The following SPATA13 variants were observed in gnomAD, a reference collection of about 807,000 sequenced individuals.
SPATA13 encodes spermatogenesis associated 13.
In SPATA13, 50 loss-of-function variants were observed where a neutral mutation model predicts 104.0. That is an observed-to-expected ratio of 0.48 (90% CI 0.38 to 0.61). SPATA13 has a LOEUF of 0.61. Ranked by LOEUF, SPATA13 falls within the 20% of genes least tolerant of loss-of-function variation. The probability of loss-of-function intolerance (pLI) is 0.00; values close to 1 mark genes in which losing one functional copy is unlikely to be tolerated. For missense variants in SPATA13, 1,524 were observed against 1,690.6 expected (o/e 0.90, Z 1.73); for synonymous variants, 606 against 667.5 (o/e 0.91, Z 1.42).
chr13:24,003,405 T>A (rs1176757058), intron 2 of SPATA13, among the ~76,000 whole-genome samples: 1 of 152,180 alleles, frequency 6.6e-6, no homozygotes, highest in Non-Finnish European at 1.5e-5. Flanking sequence ...AAATAATGAA[T>A]GGAGTGCACA....
At position 24,249,605 on chromosome 13, in the gene SPATA13, C is replaced by G; in HGVS notation, c.1782C>G (p.Gly594=). The G allele has an allele frequency of 1.2e-6, 2 of 1,613,960 alleles. No homozygotes were observed. The highest frequency in any genetic ancestry group is 1.7e-6 in the Non-Finnish European group (2 of 1,179,898). Residue 594 remains glycine (G), a synonymous_variant, in exon 3 of 13, where the codon GGC becomes GGG. Coordinates refer to ENST00000382108, the MANE Select transcript of SPATA13 (RefSeq NM_001166271.3). ...RPRPRPFSDY[G]QLASRSLSIP... ...GGCCTCGGCCATTCTCTGACTACGGCCAGCTGGCCAGCCGCAGTTTGTCTA... is the reference window on the plus strand; with the variant it reads ...GGCCTCGGCCATTCTCTGACTACGGGCAGCTGGCCAGCCGCAGTTTGTCTA...
At chr13:24,285,534 T>C (rs1875871942) in intron 5 of SPATA13, among the ~76,000 whole-genome samples, 1 of 151,598 alleles carries the variant, frequency 6.6e-6, no homozygotes, top group Admixed American at 6.6e-5. Flanking sequence ...TCCCTCCCTT[T>C]TTTCTTGCAT....
At chr13:24,084,208 A>G (rs1360432991) in intron 3 of SPATA13, among the ~76,000 whole-genome samples, 1 of 152,174 alleles carries the variant, frequency 6.6e-6, no homozygotes, top group African/African-American at 2.4e-5. Flanking sequence ...AACAATTTAA[A>G]TGCGTTGGGG....
At chr13:24,062,343 G>A (rs1309254852) in intron 3 of SPATA13, among the ~76,000 whole-genome samples, 2 of 152,240 alleles carry the variant, frequency 1.3e-5, no homozygotes, top group Non-Finnish European at 2.9e-5. Flanking sequence ...GGACTAAAGG[G>A]CTGGGGGCAG....
At chr13:23,998,338 G>T (rs1418488303) in intron 2 of SPATA13, among the ~76,000 whole-genome samples, 36 of 152,160 alleles carry the variant, frequency 2.4e-4, no homozygotes, top group African/African-American at 8.4e-4. Flanking sequence ...ATGACATTGA[G>T]CTTTTTTCTT....
chr13:24,043,103 T>C (rs771291528), intron 3 of SPATA13, among the ~76,000 whole-genome samples: 1 of 152,134 alleles, frequency 6.6e-6, no homozygotes, highest in Non-Finnish European at 1.5e-5. Flanking sequence ...CGAGGTCACA[T>C]CTCTCCTTCA....
intron 2 of SPATA13, among the ~76,000 whole-genome samples, chr13:24,243,787 T>C (rs1456324023): frequency 6.6e-6 from 1 of 152,204 alleles, no homozygotes; most frequent in Non-Finnish European, 1.5e-5. Context: ...GTGAATTCTT[T>C]TGGTAGCCAG....
intron 2 of SPATA13, among the ~76,000 whole-genome samples, chr13:24,243,827 G>T (rs139792445): frequency 6.6e-6 from 1 of 152,118 alleles, no homozygotes; most frequent in African/African-American, 2.4e-5. Flanking sequence ...AAAACTGGGG[G>T]GTTAGCTTAT....
intron 3 of SPATA13, among the ~76,000 whole-genome samples, chr13:24,151,751 G>A (rs1189158211): frequency 6.6e-6 from 1 of 152,094 alleles, no homozygotes; most frequent in Non-Finnish European, 1.5e-5. Flanking sequence ...TACCATTTAG[G>A]GTTATTGTGA....
chr13:24,114,755 C>T (rs953220833), intron 3 of SPATA13, among the ~76,000 whole-genome samples: 11 of 152,208 alleles, frequency 7.2e-5, no homozygotes, highest in South Asian at 4.2e-4. Flanking sequence ...TTCCACCTCC[C>T]GGGTTCAAGT....
intron 1 of SPATA13, among the ~76,000 whole-genome samples, chr13:24,209,632 G>A (rs1369948118): frequency 2.6e-5 from 4 of 152,214 alleles, no homozygotes; most frequent in African/African-American, 9.6e-5. Flanking sequence ...TCCGTTGTGT[G>A]TGTATACACC....
At chr13:24,275,305 C>G (rs552686608) in intron 4 of SPATA13, among the ~76,000 whole-genome samples, 2 of 152,144 alleles carry the variant, frequency 1.3e-5, no homozygotes, top group East Asian at 3.9e-4. Flanking sequence ...GAATCAGGGG[C>G]CCCCAGAGGG....
intron 3 of SPATA13, among the ~76,000 whole-genome samples, chr13:24,060,060 C>A (rs762246338): frequency 1.3e-5 from 2 of 152,202 alleles, no homozygotes; most frequent in African/African-American, 4.8e-5. Flanking sequence ...ACATTCTTCA[C>A]TGAACTAGAA....
chr13:24,091,257 A>G (rs1879901779), intron 3 of SPATA13, among the ~76,000 whole-genome samples: 1 of 152,214 alleles, frequency 6.6e-6, no homozygotes, highest in Non-Finnish European at 1.5e-5. Flanking sequence ...GCATACACAC[A>G]GCCGTGCACA....
intron 4 of SPATA13, among the ~76,000 whole-genome samples, 182 bp from the exon 5 acceptor site, chr13:24,283,953 T>C (rs557525520): frequency 6.6e-6 from 1 of 152,368 alleles, no homozygotes; most frequent in South Asian, 2.1e-4. Flanking sequence ...TCTCACTTAA[T>C]GTCACACTTA....
intron 4 of SPATA13, among the ~76,000 whole-genome samples, chr13:24,279,988 A>T (rs9318449): frequency 0.17 from 25,664 of 152,188 alleles, 2,243 homozygotes; most frequent in Middle Eastern, 0.26. Flanking sequence ...TCTTGTGATT[A>T]ACCTCAGCCA....
chr13:24,119,006 AG>A (rs1880947107), intron 3 of SPATA13, among the ~76,000 whole-genome samples: 1 of 151,602 alleles, frequency 6.6e-6, no homozygotes, highest in Non-Finnish European at 1.5e-5. Flanking sequence ...CCTGGGTTCA[AG>A]TGATTCTCCT....
intron 2 of SPATA13, among the ~76,000 whole-genome samples, chr13:24,245,076 T>A (rs931421034): frequency 6.6e-6 from 1 of 152,186 alleles, no homozygotes; most frequent in African/African-American, 2.4e-5. Flanking sequence ...AAAGACTCTT[T>A]AGAGGACATG....
chr13:24,204,669 T>C (rs1870604666), intron 1 of SPATA13, among the ~76,000 whole-genome samples: 1 of 152,190 alleles, frequency 6.6e-6, no homozygotes, highest in African/African-American at 2.4e-5. Flanking sequence ...TTGACTTCTC[T>C]AGGTACTTCA....
Sources: gnomAD v4.1 joint callset for allele counts (sites outside exome capture counted in the v4.1 genomes callset) on GRCh38, gnomAD v4.1.1 for gene constraint, MANE v1.5 for transcripts, NCBI Gene and HGNC (gene_info 2026-07-23, HGNC 2026-07-21) for gene names.